TIAM1: variants seen among roughly 807,000 people sequenced by gnomAD.
TIAM1 encodes the protein TIAM Rac1 associated GEF 1, also known as rho guanine nucleotide exchange factor TIAM1.
In TIAM1, 65 loss-of-function variants were observed where a neutral mutation model predicts 163.5. That is an observed-to-expected ratio of 0.40 (90% CI 0.33 to 0.49). The LOEUF (loss-of-function observed/expected upper bound fraction) is 0.49. Ranked by LOEUF, TIAM1 falls within the 20% of genes least tolerant of loss-of-function variation. The pLI is 0.77. For missense variants in TIAM1, 1,789 were observed against 2,044.7 expected, an observed-to-expected ratio of 0.87 and a Z score of 2.41; for synonymous variants, 833 against 810.1, an observed-to-expected ratio of 1.03 and a Z score of -0.48.
intron 2 of TIAM1, among the ~76,000 whole-genome samples, chr21:31,368,546 C>T (rs1361574841): frequency 6.6e-6 from 1 of 152,136 alleles, no homozygotes; most frequent in Admixed American, 6.6e-5. Flanking sequence ...AAAATAGCGA[C>T]CAAACTTTCA....
chr21:31,281,966 C>G (rs2073589259), intron 2 of TIAM1, among the ~76,000 whole-genome samples: 1 of 152,126 alleles, frequency 6.6e-6, no homozygotes, highest in South Asian at 2.1e-4. Context: ...AGTTTCATCA[C>G]TTTTTAAACT....
intron 1 of TIAM1, among the ~76,000 whole-genome samples, chr21:31,522,997 CTCAA>C (rs1185818235): frequency 6.6e-6 from 1 of 152,154 alleles, no homozygotes; most frequent in Non-Finnish European, 1.5e-5. Flanking sequence ...TTAGCACATT[CTCAA>C]TCATTCTCAA....
chr21:31,194,346 G>GA (rs2085740021), intron 13 of TIAM1, among the ~76,000 whole-genome samples: 1 of 152,124 alleles, frequency 6.6e-6, no homozygotes, highest in Non-Finnish European at 1.5e-5. Context: ...CCTAGGGATG[G>GA]TCTTGGGGAC....
rs761429693 is a variant in TIAM1 at position 31,223,547 on chromosome 21, C to A, written c.1854G>T (p.Leu618=). ...EQNLEQFQMD[L]FRFRCYLASL... is the part of the protein sequence containing the mutation. ...TGGCTAAATAACAGCGGAAACGAAA[C>A]AGGTCCATTTGGAACTGCTCGAGAT... is the stretch of plus-strand genomic sequence containing the variant. The change falls in exon 8 of 28, where the codon CTG becomes CTT. Residue 618 remains leucine (L), a synonymous_variant. Transcript: ENST00000541036. 6.8e-6 allele frequency: 11 copies of A among 1,613,132 alleles called. No individual in the cohort carries two copies. In the South Asian group the frequency reaches 8.8e-5, roughly 13 times the overall value.
intron 1 of TIAM1, among the ~76,000 whole-genome samples, chr21:31,483,899 A>G (rs1021759367): frequency 2.8e-4 from 42 of 152,232 alleles, no homozygotes; most frequent in African/African-American, 9.4e-4. Context: ...CTGGAAAAGG[A>G]GTGAGAAAAT....
intron 2 of TIAM1, among the ~76,000 whole-genome samples, chr21:31,327,431 G>A (rs1005293824): frequency 9.2e-5 from 14 of 151,994 alleles, no homozygotes; most frequent in Non-Finnish European, 1.3e-4. Context: ...TTTGAGGTCA[G>A]GAGTTCGAGA....
rs374421371 is a variant in TIAM1 at position 31,266,943 on chromosome 21, C to T, written c.30G>A (p.Glu10=). The T allele has an allele frequency of 3.7e-6, 6 of 1,609,122 alleles. No individual in the cohort carries two copies. The highest frequency in any genetic ancestry group is 5.1e-6 in the Non-Finnish European group (6 of 1,176,546). MGNAESQHV[E]HEFYGEKHAS... ...CATGCTTTTCTCCATAAAACTCGTG[C>T]TCTACATGTTGACTTTCTGCGTTTC... Residue 10 remains glutamate (E), a synonymous_variant, in exon 4 of 28, where the codon GAG becomes GAA. Transcript: ENST00000541036.
chr21:31,434,579 A>G (rs1291566985), intron 2 of TIAM1, among the ~76,000 whole-genome samples: 1 of 152,238 alleles, frequency 6.6e-6, no homozygotes, highest in Non-Finnish European at 1.5e-5. Flanking sequence ...CAATACTGTT[A>G]AACTTTTAAA....
At chr21:31,327,736 C>T (rs2075541378) in intron 2 of TIAM1, among the ~76,000 whole-genome samples, 1 of 151,696 alleles carries the variant, frequency 6.6e-6, no homozygotes, top group Non-Finnish European at 1.5e-5. Context: ...GACCACCCCA[C>T]CATCACCCTG....
intron 1 of TIAM1, among the ~76,000 whole-genome samples, chr21:31,552,957 G>A (rs539819916): frequency 2.7e-4 from 41 of 152,260 alleles, no homozygotes; most frequent in African/African-American, 9.6e-4. Context: ...ACGTGGCACC[G>A]CCTTCATCTC....
At chr21:31,386,953 T>C (rs1351553990) in intron 2 of TIAM1, among the ~76,000 whole-genome samples, 1 of 152,180 alleles carries the variant, frequency 6.6e-6, no homozygotes, top group Non-Finnish European at 1.5e-5. Flanking sequence ...CTGAGCTTTA[T>C]CTGCTCCGGC....
chr21:31,201,890 T>C (rs1295242039), intron 12 of TIAM1, among the ~76,000 whole-genome samples: 1 of 152,214 alleles, frequency 6.6e-6, no homozygotes, highest in Non-Finnish European at 1.5e-5. Flanking sequence ...AGCAAAGAGC[T>C]TGTCACTGGG....
At chr21:31,228,245 A>AATAAACTGATAAGGATTTTTCCTTT (rs1555897901) in intron 6 of TIAM1, among the ~76,000 whole-genome samples, 2 of 67,090 alleles carry the variant, frequency 3.0e-5, no homozygotes, top group Non-Finnish European at 7.7e-5. Flanking sequence ...AAAAAAAAAA[A>AATAAACTGATAAGGATTTTTCCTTT]AAAAAAAAAA....
intron 12 of TIAM1, among the ~76,000 whole-genome samples, chr21:31,196,478 A>ATTTTTTTTTTTTTTTT (rs59358430): frequency 1.1e-4 from 14 of 133,084 alleles, no homozygotes; most frequent in African/African-American, 3.8e-4. Flanking sequence ...CATCTGGCTA[A>ATTTTTTTTTTTTTTTT]TTTTTTTTTT....
intron 2 of TIAM1, among the ~76,000 whole-genome samples, chr21:31,407,826 C>CG (rs1230661618): frequency 6.6e-6 from 1 of 151,804 alleles, no homozygotes; most frequent in Non-Finnish European, 1.5e-5. Flanking sequence ...TCAGTAGAGA[C>CG]GGGGTTTCAC....
At chr21:31,440,222 G>A (rs1223353077) in intron 2 of TIAM1, among the ~76,000 whole-genome samples, 1 of 152,198 alleles carries the variant, frequency 6.6e-6, no homozygotes, top group African/African-American at 2.4e-5. Context: ...CAGCAGCGTA[G>A]CAACTGAAGG....
intron 1 of TIAM1, among the ~76,000 whole-genome samples, chr21:31,505,607 A>T (rs928944698): frequency 7.0e-6 from 1 of 143,364 alleles, no homozygotes; most frequent in Non-Finnish European, 1.5e-5. Context: ...ATTGTGGGGG[A>T]AAAAATCAGT....
chr21:31,497,288 GT>G (rs1422368348), intron 1 of TIAM1, among the ~76,000 whole-genome samples: 1 of 152,198 alleles, frequency 6.6e-6, no homozygotes, highest in Non-Finnish European at 1.5e-5. Context: ...GTGTATGAAA[GT>G]TTTTTACATT....
chr21:31,493,702 C>A (rs966347061), intron 1 of TIAM1, among the ~76,000 whole-genome samples: 2 of 152,084 alleles, frequency 1.3e-5, no homozygotes, highest in African/African-American at 4.8e-5. Flanking sequence ...GGCAGTGACA[C>A]GTCGGAGCTG....
Sources: gnomAD v4.1 joint callset for allele counts (sites outside exome capture counted in the v4.1 genomes callset) on GRCh38, gnomAD v4.1.1 for gene constraint, MANE v1.5 for transcripts, NCBI Gene and HGNC (gene_info 2026-07-23, HGNC 2026-07-21) for gene names.